The following UGT1A8 variants were observed in gnomAD, a reference collection of about 807,000 sequenced individuals.
UGT1A8 encodes the protein UDP-glucuronosyltransferase 1A8.
Under a neutral mutation model 45.3 loss-of-function variants are expected in UGT1A8, and 39 were observed. The observed-to-expected ratio is 0.86, with a 90% CI of 0.67 to 1.12. UGT1A8 has a LOEUF of 1.12. Ranked by LOEUF, UGT1A8 falls within the 50% of genes most tolerant of loss-of-function variation. UGT1A8 has a pLI of 0.00. For missense variants in UGT1A8, 719 were observed against 664.9 expected (o/e 1.08, Z -0.90); for synonymous variants, 275 against 249.2 (o/e 1.10, Z -0.97).
chr2:233,759,106 A>G (rs1201357273), intron 1 of UGT1A8, among the ~76,000 whole-genome samples: 1 of 152,224 alleles, frequency 6.6e-6, no homozygotes, highest in Non-Finnish European at 1.5e-5. Flanking sequence ...ACAGTTTGCA[A>G]ACCAGGGAGT....
At chr2:233,724,172 A>G (rs2077183283) in intron 1 of UGT1A8, among the ~76,000 whole-genome samples, 1 of 105,510 alleles carries the variant, frequency 9.5e-6, no homozygotes. Flanking sequence ...TGACCCCCCC[A>G]TCTCCCTCCC....
intron 1 of UGT1A8, chr2:233,747,161 T>G (rs1379278040): frequency 2.1e-5 from 34 of 1,586,670 alleles, no homozygotes; most frequent in South Asian, 2.3e-5. Flanking sequence ...AGAAAACAAA[T>G]GTAGGAGGCA....
chr2:233,679,551 T>TTTTG (rs1047606927), intron 1 of UGT1A8, among the ~76,000 whole-genome samples: 1 of 152,154 alleles, frequency 6.6e-6, no homozygotes, highest in African/African-American at 2.4e-5. Flanking sequence ...TCATCTTTTT[T>TTTTG]TTTGTTTGTT....
At chr2:233,731,654 T>C (rs1402359717) in intron 1 of UGT1A8, among the ~76,000 whole-genome samples, 1 of 152,254 alleles carries the variant, frequency 6.6e-6, no homozygotes. Context: ...ATGGTGTATA[T>C]GTGCCACATT....
At chr2:233,761,183 A>C in intron 1 of UGT1A8, 1 of 1,614,192 alleles carries the variant, frequency 6.2e-7, no homozygotes, top group East Asian at 2.2e-5. Flanking sequence ...TTACATGCGT[A>C]TATTCTTTCA....
intron 1 of UGT1A8, among the ~76,000 whole-genome samples, chr2:233,627,624 T>TCTTCCTTCCTTC (rs4047191): frequency 0.066 from 7,356 of 111,844 alleles, 357 homozygotes; most frequent in East Asian, 0.1. Flanking sequence ...TTCCTTCCTT[T>TCTTCCTTCCTTC]CTTCCTTCCT....
intron 1 of UGT1A8, chr2:233,647,891 A>G: frequency 1.3e-6 from 2 of 1,526,358 alleles, no homozygotes; most frequent in Non-Finnish European, 9.0e-7. Flanking sequence ...TGATTTCTAC[A>G]CTGAAGTTAG....
At chr2:233,726,021 C>A (rs745583361) in intron 1 of UGT1A8, among the ~76,000 whole-genome samples, 1 of 152,022 alleles carries the variant, frequency 6.6e-6, no homozygotes, top group Non-Finnish European at 1.5e-5. Flanking sequence ...AAAAAATTAT[C>A]CAGGTGTGAT....
chr2:233,743,711 C>T (rs765415857), intron 1 of UGT1A8: 10 of 1,367,266 alleles, frequency 7.3e-6, no homozygotes, highest in Non-Finnish European at 9.8e-6. Context: ...CCCCGCCTCG[C>T]CATAGCGGTC....
chr2:233,719,929 A>G (rs1186808280), intron 1 of UGT1A8, among the ~76,000 whole-genome samples: 1 of 152,194 alleles, frequency 6.6e-6, no homozygotes, highest in African/African-American at 2.4e-5. Context: ...ACTCACGGAC[A>G]GTGTTTGTAA....
At chr2:233,741,345 A>C (rs1260340579) in intron 1 of UGT1A8, among the ~76,000 whole-genome samples, 2 of 151,734 alleles carry the variant, frequency 1.3e-5, no homozygotes, top group African/African-American at 2.4e-5. Flanking sequence ...AGTGATTTCC[A>C]ACACACAAAA....
intron 1 of UGT1A8, among the ~76,000 whole-genome samples, chr2:233,645,994 T>C (rs776519483): frequency 1.3e-5 from 2 of 152,222 alleles, no homozygotes; most frequent in Non-Finnish European, 2.9e-5. Context: ...CAAACTTCTT[T>C]CTGGACATCC....
At chr2:233,738,080 T>G (rs527833825) in intron 1 of UGT1A8, among the ~76,000 whole-genome samples, 181 of 152,280 alleles carry the variant, frequency 1.2e-3, no homozygotes, top group African/African-American at 4.2e-3. Context: ...CCTCCTAATC[T>G]CATCATAGTG....
rs1464458108 is a variant in UGT1A8 at position 233,655,172 on chromosome 2, T to C, written c.855+36610T>C. On this transcript the variant is annotated intron_variant, in intron 1 of 4. Coordinates refer to ENST00000373450, the MANE Select transcript of UGT1A8 (RefSeq NM_019076.5). Reference sequence around the variant, plus strand: ...AAAGTGAACAGAATACTTTCTGTTTTGTTAATGTGCTAATTACATGGTCAC... The same window carrying C: ...AAAGTGAACAGAATACTTTCTGTTTCGTTAATGTGCTAATTACATGGTCAC... Among the ~76,000 whole-genome samples, 4 of 152,172 alleles carry C rather than the reference T, an allele frequency of 2.6e-5. No homozygotes were observed. In the East Asian group the frequency reaches 5.8e-4, roughly 22 times the overall value.
chr2:233,693,102 C>T, intron 1 of UGT1A8: 1 of 1,614,144 alleles, frequency 6.2e-7, no homozygotes, highest in Non-Finnish European at 8.5e-7. Flanking sequence ...CTGGTGGTCC[C>T]TCAGGACGGA....
intron 1 of UGT1A8, among the ~76,000 whole-genome samples, chr2:233,681,085 G>A (rs908255468): frequency 6.6e-6 from 1 of 151,700 alleles, no homozygotes; most frequent in Non-Finnish European, 1.5e-5. Flanking sequence ...TGGCTCACCT[G>A]TGTCTCTGCA....
intron 1 of UGT1A8, among the ~76,000 whole-genome samples, chr2:233,703,330 TTCTC>T (rs558360323): frequency 1.8e-3 from 279 of 152,282 alleles, no homozygotes; most frequent in Middle Eastern, 6.8e-3. Context: ...ATTTTGAGTC[TTCTC>T]TCTTTTTTCT....
chr2:233,640,448 A>G (rs2073421157), intron 1 of UGT1A8, among the ~76,000 whole-genome samples: 1 of 152,144 alleles, frequency 6.6e-6, no homozygotes, highest in African/African-American at 2.4e-5. Flanking sequence ...TATCACACCT[A>G]ACACAATAAT....
intron 1 of UGT1A8, among the ~76,000 whole-genome samples, chr2:233,684,532 A>G (rs1001886486): frequency 6.6e-6 from 1 of 152,196 alleles, no homozygotes. Context: ...ATGATTCTAT[A>G]CCACCTATAA....
Sources: allele counts gnomAD v4.1 joint callset (sites outside exome capture counted in the v4.1 genomes callset), GRCh38; gene constraint gnomAD v4.1.1; transcripts MANE v1.5; gene names NCBI Gene and HGNC (gene_info 2026-07-23, HGNC 2026-07-21).